Variants in TXLNA observed in about 807,000 individuals in gnomAD.
The protein encoded by TXLNA is alpha-taxilin.
Under a neutral mutation model 61.4 loss-of-function variants are expected in TXLNA, and 9 were observed. That is an observed-to-expected ratio of 0.15 (90% CI 0.09 to 0.26). The LOEUF (loss-of-function observed/expected upper bound fraction) is 0.26. Among genes scored for constraint, TXLNA ranks in the 10% least tolerant of loss-of-function variants. The pLI is 1.00. For synonymous variants in TXLNA, 257 were observed against 267.7 expected, an observed-to-expected ratio of 0.96 and a Z score of 0.39; for missense variants, 565 against 688.8, an observed-to-expected ratio of 0.82 and a Z score of 2.01.
intron 3 of TXLNA, among the ~76,000 whole-genome samples, chr1:32,184,230 G>A (rs1642734460): frequency 6.6e-6 from 1 of 152,196 alleles, no homozygotes; most frequent in South Asian, 2.1e-4. Context: ...TATTGGTAGA[G>A]CAGGCAGTTT....
intron 1 of TXLNA, chr1:32,180,108 C>T (rs898056937): frequency 8.3e-6 from 4 of 483,148 alleles, no homozygotes; most frequent in Non-Finnish European, 1.1e-5. Flanking sequence ...CTTCCCTCAC[C>T]CGCTGTGGGA....
chr1:32,193,175 C>T (rs763095550), intron 8 of TXLNA, 33 bp from the exon 9 acceptor site: 1 of 1,506,026 alleles, frequency 6.6e-7, no homozygotes, highest in South Asian at 1.1e-5. Context: ...CAGAGAAACC[C>T]AGTCTTATCT....
intron 5 of TXLNA, among the ~76,000 whole-genome samples, chr1:32,188,381 G>A (rs1489264591): frequency 1.3e-5 from 2 of 152,220 alleles, no homozygotes; most frequent in East Asian, 3.8e-4. Context: ...GCTCACACCT[G>A]TAATCCCAAC....
At chr1:32,183,423 C>CTTTTTTT (rs1162538631) in intron 3 of TXLNA, among the ~76,000 whole-genome samples, 2 of 91,816 alleles carry the variant, frequency 2.2e-5, no homozygotes, top group East Asian at 3.6e-4. Context: ...CGTACCCTGC[C>CTTTTTTT]TTTTTTTTTT....
intron 3 of TXLNA, 59 bp from the exon 4 acceptor site, chr1:32,184,466 C>T (rs1024508362): frequency 2.0e-5 from 23 of 1,165,114 alleles, no homozygotes; most frequent in Non-Finnish European, 2.8e-5. Context: ...AGTGTGAGCC[C>T]AGGCCTGGAG....
rs1447590339 is a variant in TXLNA, at chr1:32,192,786, C to A, written c.1158+55C>A. 1 of 1,577,456 alleles carries A rather than the reference C, an allele frequency of 6.3e-7. No individual in the cohort carries two copies. Among genetic ancestry groups the A allele is most frequent in the Non-Finnish European group, 8.7e-7 (1 of 1,147,238 alleles). The stretch of plus-strand genomic sequence containing the variant: ...TCAAGTTTCCCTCACTGGGCCCCAT[C>A]CTGGGGGTAGTGAAATGGGACCCTC... On this transcript the variant is annotated intron_variant, in intron 8 of 10. Coordinates refer to ENST00000373610, the MANE Select transcript of TXLNA (RefSeq NM_175852.4). The surrounding 1 kb of genome is among the most constrained non-coding windows in gnomAD (Gnocchi z 4.2).
At chr1:32,186,644 A>C (rs867752311) in intron 4 of TXLNA, among the ~76,000 whole-genome samples, 1 of 152,310 alleles carries the variant, frequency 6.6e-6, no homozygotes. Flanking sequence ...AGGATGGTTG[A>C]GTCAATGGAT....
At chr1:32,189,960 G>A in intron 5 of TXLNA, 95 bp from the exon 6 acceptor site, 1 of 1,331,848 alleles carries the variant, frequency 7.5e-7, no homozygotes, top group Non-Finnish European at 1.0e-6. Flanking sequence ...TTTGGGAGCA[G>A]GGAGGGCTGT....
chr1:32,195,907 T>G lies in TXLNA; in HGVS notation c.*712T>G, dbSNP rs1643011226. The G allele has an allele frequency of 6.6e-6, 2 of 301,716 alleles. No individual in the cohort carries two copies. The highest frequency in any genetic ancestry group is 1.4e-5 in the Non-Finnish European group (2 of 147,542). The allele number at this position is 301,716 out of a possible 1,614,324, so 18.7% of individuals were successfully genotyped here. ...ATCATTCACAGGTGCCTCTCTAGCC[T>G]GCACAAATGATTGACAAGAGATCAC... is the stretch of plus-strand genomic sequence containing the variant. On this transcript the variant is annotated 3_prime_UTR_variant, in exon 11 of 11. Transcript: ENST00000373610.
At position 32,198,140 on chromosome 1, in the gene TXLNA, C is replaced by G. The variant is rs1287320588; in HGVS notation, c.*2945C>G. On this transcript the variant is annotated 3_prime_UTR_variant, in exon 11 of 11. Transcript: ENST00000373610. The stretch of plus-strand genomic sequence containing the variant: ...AGGGAGCTGCCTTCTGTCCCTGTAA[C>G]TGCTTTCCTTATGGCCCAGCCCGGC... 2 of 152,328 alleles carry G rather than the reference C, an allele frequency of 1.3e-5. No individual in the cohort carries two copies. The highest frequency in any genetic ancestry group is 2.9e-5 in the Non-Finnish European group (2 of 68,096). The allele number at this position is 152,328 out of a possible 1,614,324, so 9.4% of individuals were successfully genotyped here. A position where few individuals can be genotyped will look rare whatever the true frequency, so the allele number is the denominator to read the frequency against.
In TXLNA at chr1:32,180,343, A is replaced by G. The variant is rs763624485; in HGVS notation, c.-3A>G. 3 of 1,608,120 alleles carry G rather than the reference A, an allele frequency of 1.9e-6. No individual in the cohort carries two copies. Among genetic ancestry groups the G allele is most frequent in the Non-Finnish European group, 2.5e-6 (3 of 1,178,240 alleles). On this transcript the variant is annotated 5_prime_UTR_variant, in exon 2 of 11. Transcript: ENST00000373610. ...TTCTCCTGACCCAGCATCGCTCATC[A>G]CAATGAAGAACCAAGACAAAAAGAA...
chr1:32,188,016 G>C lies in TXLNA; in HGVS notation c.660G>C (p.Leu220=). The part of the protein sequence containing the change: ...MKLLQKKQSQ[L]VQEKDHLRGE... Reference sequence around the variant, plus strand: ...TCCTACAGAAAAAGCAGAGCCAGCTGGTGCAAGAGAAGGACCACCTGCGCG... The same window carrying C: ...TCCTACAGAAAAAGCAGAGCCAGCTCGTGCAAGAGAAGGACCACCTGCGCG... Residue 220 remains leucine, a synonymous_variant, in exon 5 of 11, where the codon CTG becomes CTC. Coordinates refer to ENST00000373610, the MANE Select transcript of TXLNA (RefSeq NM_175852.4). 5.0e-6 allele frequency: 8 copies of C among 1,613,268 alleles called. No homozygotes were observed. Among genetic ancestry groups the C allele is most frequent in the Non-Finnish European group, 6.8e-6 (8 of 1,179,664 alleles).
chr1:32,190,028 G>A, intron 5 of TXLNA, 27 bp from the exon 6 acceptor site: 1 of 1,535,318 alleles, frequency 6.5e-7, no homozygotes, highest in East Asian at 2.4e-5. Flanking sequence ...AGTGGATGAT[G>A]GCTCTCGGGC....
At chr1:32,185,767 C>T (rs997541815) in intron 4 of TXLNA, among the ~76,000 whole-genome samples, 1 of 151,152 alleles carries the variant, frequency 6.6e-6, no homozygotes, top group East Asian at 2.0e-4. Flanking sequence ...GGCGCGATCT[C>T]GGCTCATTGC....
intron 4 of TXLNA, among the ~76,000 whole-genome samples, chr1:32,187,088 G>C (rs759577335): frequency 4.6e-5 from 7 of 151,652 alleles, no homozygotes; most frequent in Non-Finnish European, 8.8e-5. Flanking sequence ...TTTTTTAGTA[G>C]AAACGGTTTC....
In TXLNA at chr1:32,192,294, C is replaced by G; in HGVS notation, c.964-17C>G. ...GAGCGCCTGACAAGCCGACTGCTCC[C>G]ACCATCTTTGTTGCAGCATATCGAC... On this transcript the variant is annotated splice_polypyrimidine_tract_variant and intron_variant, in intron 6 of 10. Coordinates refer to ENST00000373610, the MANE Select transcript of TXLNA (RefSeq NM_175852.4). The surrounding 1 kb of genome is among the most constrained non-coding windows in gnomAD (Gnocchi z 4.2). 6.2e-7 allele frequency: 1 copy of G among 1,612,348 alleles called. No homozygotes were observed. The highest frequency in any genetic ancestry group is 8.5e-7 in the Non-Finnish European group (1 of 1,178,624).
At chr1:32,189,262 C>T (rs1642854872) in intron 5 of TXLNA, among the ~76,000 whole-genome samples, 1 of 152,140 alleles carries the variant, frequency 6.6e-6, no homozygotes, top group Non-Finnish European at 1.5e-5. Context: ...ATGGCTAGGT[C>T]ACAGTATATG....
Position 32,181,394 on chromosome 1 carries a change from G to A in TXLNA, c.322G>A (p.Glu108Lys), listed in dbSNP as rs781651410. The A allele has an allele frequency of 1.2e-6, 2 of 1,614,216 alleles. No homozygotes were observed. The highest frequency in any genetic ancestry group is 1.7e-6 in the Non-Finnish European group (2 of 1,180,042). The change falls in exon 3 of 11, where the codon GAA becomes AAA. Residue 108 changes from glutamate to lysine, a missense_variant. Glu to Lys is a moderately conservative substitution (Grantham distance 56). Transcript: ENST00000373610. ...GGCACAGGGTGAGCCGGCTGAACCCGAAGATGCAGAGAAGTCCCGGACCTA... is the reference window on the plus strand; with the variant it reads ...GGCACAGGGTGAGCCGGCTGAACCCAAAGATGCAGAGAAGTCCCGGACCTA... Reference protein sequence around the residue: ...DGAQGEPAEPEDAEKSRTYVA... With the variant: ...DGAQGEPAEPKDAEKSRTYVA...
chr1:32,179,769 G>C lies in TXLNA; in HGVS notation c.-40G>C, dbSNP rs1415745859. On this transcript the variant is annotated 5_prime_UTR_variant, in exon 1 of 11. Transcript: ENST00000373610. ...GAGGTGGGGAAGCCATCGGACGTCG[G>C]CGGTGAGGTACGTGCAGCGGCGGCC... is the stretch of plus-strand genomic sequence containing the variant. 6.6e-6 allele frequency: 1 copy of C among 152,628 alleles called. No individual in the cohort carries two copies. Among genetic ancestry groups the C allele is most frequent in the African/African-American group, 2.4e-5 (1 of 41,472 alleles). 9.5% of individuals were successfully genotyped at this position (152,628 alleles called of 1,614,324 possible).
Sources: allele counts gnomAD v4.1 joint callset (sites outside exome capture counted in the v4.1 genomes callset), GRCh38; gene constraint gnomAD v4.1.1; non-coding constraint Gnocchi (gnomAD v3.1); transcripts MANE v1.5; gene names NCBI Gene and HGNC (gene_info 2026-07-23, HGNC 2026-07-21).